NREP: variants seen among roughly 807,000 people sequenced by gnomAD.
NREP encodes the protein neuronal regeneration-related protein.
Under a neutral mutation model 8.6 loss-of-function variants are expected in NREP, and 5 were observed. The observed-to-expected ratio is 0.58, with a 90% CI of 0.30 to 1.22. The LOEUF (loss-of-function observed/expected upper bound fraction) is 1.22. Among genes scored for constraint, NREP ranks in the 50% most tolerant of loss-of-function variants. The probability of loss-of-function intolerance (pLI) is 0.07; values close to 1 mark genes in which losing one functional copy is unlikely to be tolerated. For missense variants in NREP, 86 were observed against 82.5 expected (o/e 1.04, Z -0.17); for synonymous variants, 27 against 28.0 (o/e 0.96, Z 0.11).
intron 2 of NREP, among the ~76,000 whole-genome samples, chr5:111,787,915 T>C (rs1322834332): frequency 6.6e-6 from 1 of 152,022 alleles, no homozygotes; most frequent in African/African-American, 2.4e-5. Context: ...CTAGGCAACA[T>C]TGTGAGACCA....
chr5:111,944,585 G>C (rs1755925166), intron 2 of NREP, among the ~76,000 whole-genome samples: 1 of 152,146 alleles, frequency 6.6e-6, no homozygotes, highest in Non-Finnish European at 1.5e-5. Flanking sequence ...GGGATTACAG[G>C]CATGGGCCAT....
At chr5:111,817,673 C>T (rs1009003564) in intron 2 of NREP, among the ~76,000 whole-genome samples, 3 of 151,010 alleles carry the variant, frequency 2.0e-5, no homozygotes, top group African/African-American at 4.9e-5. Context: ...GGCGTAGTGG[C>T]GGGCGCCTGT....
At chr5:111,855,303 T>A (rs969280345) in intron 2 of NREP, among the ~76,000 whole-genome samples, 6 of 152,330 alleles carry the variant, frequency 3.9e-5, no homozygotes, top group Admixed American at 2.6e-4. Flanking sequence ...TTTCCACATA[T>A]ATAAAATAGA....
intron 2 of NREP, among the ~76,000 whole-genome samples, chr5:111,841,479 G>T (rs947922888): frequency 7.9e-5 from 12 of 152,144 alleles, no homozygotes; most frequent in African/African-American, 2.9e-4. Context: ...GGACTAAAAG[G>T]TAGACCAATA....
chr5:111,969,244 G>T (rs141738157), intron 2 of NREP, among the ~76,000 whole-genome samples: 24 of 152,306 alleles, frequency 1.6e-4, no homozygotes, highest in African/African-American at 5.8e-4. Flanking sequence ...TCAAGATGCT[G>T]AGACAGAAAG....
chr5:111,854,391 G>A (rs1372517856), intron 2 of NREP, among the ~76,000 whole-genome samples: 1 of 152,200 alleles, frequency 6.6e-6, no homozygotes, highest in South Asian at 2.1e-4. Context: ...TGGAGCCCTA[G>A]TTGACAAGCT....
chr5:111,853,929 T>C (rs1049577141), intron 2 of NREP, among the ~76,000 whole-genome samples: 1 of 152,188 alleles, frequency 6.6e-6, no homozygotes, highest in Admixed American at 6.6e-5. Context: ...ATGCTCTTTC[T>C]CGTTTCATGA....
chr5:111,783,691 C>T (rs965090079), intron 2 of NREP, among the ~76,000 whole-genome samples: 5 of 152,172 alleles, frequency 3.3e-5, no homozygotes, highest in African/African-American at 7.2e-5. Context: ...GGCATACAAA[C>T]GTCTACTAAC....
At chr5:111,852,154 T>C (rs1753325487) in intron 2 of NREP, among the ~76,000 whole-genome samples, 1 of 152,190 alleles carries the variant, frequency 6.6e-6, no homozygotes, top group Non-Finnish European at 1.5e-5. Context: ...TGAGGAGTTC[T>C]AGAGATCACC....
At chr5:111,815,826 G>A (rs1752373132) in intron 2 of NREP, among the ~76,000 whole-genome samples, 1 of 152,108 alleles carries the variant, frequency 6.6e-6, no homozygotes, top group South Asian at 2.1e-4. Flanking sequence ...GAAACCCCAT[G>A]TAAGAAAAGT....
intron 2 of NREP, among the ~76,000 whole-genome samples, chr5:111,958,305 GA>G (rs1281524291): frequency 1.3e-5 from 2 of 150,846 alleles, no homozygotes; most frequent in East Asian, 1.9e-4. Context: ...TCTTTATCCA[GA>G]AAAAAAATTG....
chr5:111,870,082 G>A lies in NREP; in HGVS notation c.135+105192C>T, dbSNP rs1183172654. On this transcript the variant is annotated intron_variant, in intron 2 of 3. Transcript: ENST00000395634. The stretch of plus-strand genomic sequence containing the variant: ...CAGGGGTGGCCAGCCAGCTTGTACC[G>A]ACAGCTCTTGATACCTCCATGAACA... Among the ~76,000 whole-genome samples, 7 of 152,228 alleles carry A rather than the reference G, an allele frequency of 4.6e-5. No homozygotes were observed. In the East Asian group the frequency reaches 9.6e-4, roughly 21 times the overall value.
intron 2 of NREP, chr5:111,738,584 CA>C (rs1347850557): frequency 6.6e-6 from 1 of 151,864 alleles, no homozygotes; most frequent in Non-Finnish European, 1.5e-5. Flanking sequence ...GAAATAGCTG[CA>C]AAGTGCTGGA....
chr5:111,815,212 G>C (rs946681212), intron 2 of NREP, among the ~76,000 whole-genome samples: 2 of 152,146 alleles, frequency 1.3e-5, no homozygotes, highest in African/African-American at 4.8e-5. Context: ...GATATGCCTG[G>C]TAAATATTCA....
At chr5:111,974,336 G>A (rs1325786478) in intron 2 of NREP, 4 of 152,200 alleles carry the variant, frequency 2.6e-5, no homozygotes, top group Non-Finnish European at 5.9e-5. Flanking sequence ...AGAAATAGAT[G>A]TGGAAACAGG....
intron 2 of NREP, among the ~76,000 whole-genome samples, chr5:111,843,711 A>T (rs1202961603): frequency 6.6e-6 from 1 of 152,126 alleles, no homozygotes; most frequent in African/African-American, 2.4e-5. Context: ...TAGCTGGGAA[A>T]GCCCTTTACC....
intron 2 of NREP, among the ~76,000 whole-genome samples, chr5:111,817,526 C>G (rs186989789): frequency 7.6e-4 from 116 of 152,146 alleles, no homozygotes; most frequent in Non-Finnish European, 1.4e-3. Flanking sequence ...ATATTAGAGG[C>G]TTGGCATGGT....
At chr5:111,826,269 T>A (rs961504634) in intron 2 of NREP, among the ~76,000 whole-genome samples, 14 of 152,132 alleles carry the variant, frequency 9.2e-5, no homozygotes, top group African/African-American at 3.1e-4. Flanking sequence ...GCTCTCTGTA[T>A]AATGGACCAA....
At chr5:111,951,738 T>C (rs1756165427) in intron 2 of NREP, among the ~76,000 whole-genome samples, 1 of 152,256 alleles carries the variant, frequency 6.6e-6, no homozygotes, top group Admixed American at 6.5e-5. Context: ...TCCTTGTTCC[T>C]CATGCTCACC....
Sources: gnomAD v4.1 joint callset for allele counts (sites outside exome capture counted in the v4.1 genomes callset) on GRCh38, gnomAD v4.1.1 for gene constraint, MANE v1.5 for transcripts, NCBI Gene and HGNC (gene_info 2026-07-23, HGNC 2026-07-21) for gene names.